RBFOX1: variants seen among roughly 807,000 people sequenced by gnomAD.
RBFOX1 encodes the protein RNA binding protein fox-1 homolog 1.
A neutral mutation model predicts 57.7 loss-of-function variants in RBFOX1; 8 were observed. The ratio of observed to expected loss-of-function variants is 0.14; its 90% CI spans 0.08 to 0.25. The LOEUF (loss-of-function observed/expected upper bound fraction) is 0.25, where lower values mean the gene tolerates loss of function less well. Ranked by LOEUF, RBFOX1 falls within the 10% of genes least tolerant of loss-of-function variation. The probability of loss-of-function intolerance (pLI) is 1.00; values close to 1 mark genes in which losing one functional copy is unlikely to be tolerated. For synonymous variants in RBFOX1, 326 were observed against 222.4 expected (o/e 1.47, Z -4.15); for missense variants, 611 against 548.5 (o/e 1.11, Z -1.14).
intron 1 of RBFOX1, among the ~76,000 whole-genome samples, chr16:6,274,450 A>T (rs1366008886): frequency 6.6e-6 from 1 of 152,196 alleles, no homozygotes; most frequent in Non-Finnish European, 1.5e-5. Context: ...CGCATGAAAA[A>T]TTCCAATTTA....
rs9921923 is a variant in RBFOX1, at chr16:7,548,638, G to A, written c.270+30249G>A. 4.5e-3 allele frequency among the ~76,000 whole-genome samples: 683 copies of A among 152,288 alleles called. 6 individuals are homozygous for A. The highest frequency in any genetic ancestry group is 0.016 in the African/African-American group (659 of 41,546). On this transcript the variant is annotated intron_variant, in intron 5 of 15. Transcript: ENST00000550418. ...CAGGATGCTCTGGGGCAGGAGCGGG[G>A]GGGCAGTCAAACAAGTCCAAAGCTT...
chr16:7,690,989 C>T (rs1005446648), intron 14 of RBFOX1, among the ~76,000 whole-genome samples: 1 of 152,060 alleles, frequency 6.6e-6, no homozygotes, highest in Non-Finnish European at 1.5e-5. Flanking sequence ...TTGATGAAAG[C>T]ATTGTTCAGG....
chr16:7,112,054 G>A (rs2064887503), intron 4 of RBFOX1, among the ~76,000 whole-genome samples: 1 of 152,188 alleles, frequency 6.6e-6, no homozygotes, highest in South Asian at 2.1e-4. Flanking sequence ...AGGTAAGTGT[G>A]TGTGTGAGAG....
At chr16:7,158,822 G>T (rs914073964) in intron 4 of RBFOX1, among the ~76,000 whole-genome samples, 1 of 151,056 alleles carries the variant, frequency 6.6e-6, no homozygotes, top group Non-Finnish European at 1.5e-5. Context: ...TGTCTCTAGT[G>T]TCAGCACTTG....
chr16:7,174,873 C>G (rs756601444), intron 4 of RBFOX1, among the ~76,000 whole-genome samples: 24 of 152,288 alleles, frequency 1.6e-4, no homozygotes, highest in Non-Finnish European at 2.4e-4. Flanking sequence ...ATACAAGCAT[C>G]CAGGTTGTGC....
chr16:7,191,596 A>G (rs1203117979), intron 4 of RBFOX1, among the ~76,000 whole-genome samples: 2 of 152,226 alleles, frequency 1.3e-5, no homozygotes. Context: ...CCTTAAACAC[A>G]TTTAAATTTA....
At chr16:6,394,175 C>G (rs1425046994) in intron 2 of RBFOX1, among the ~76,000 whole-genome samples, 1 of 152,128 alleles carries the variant, frequency 6.6e-6, no homozygotes, top group African/African-American at 2.4e-5. Flanking sequence ...ATCCTGAGTT[C>G]AAATCGGGCT....
At chr16:5,276,091 A>G (rs756619863) in intron 1 of RBFOX1, among the ~76,000 whole-genome samples, 1 of 152,242 alleles carries the variant, frequency 6.6e-6, no homozygotes, top group Non-Finnish European at 1.5e-5. Flanking sequence ...TCTTGAAGAT[A>G]ACATTGGAAA....
At chr16:6,422,123 A>G (rs1322353600) in intron 2 of RBFOX1, among the ~76,000 whole-genome samples, 2 of 151,084 alleles carry the variant, frequency 1.3e-5, no homozygotes, top group Non-Finnish European at 2.9e-5. Context: ...GAGTTTTCCC[A>G]TTTTGGCCTG....
intron 4 of RBFOX1, among the ~76,000 whole-genome samples, chr16:7,380,201 C>G (rs1481952443): frequency 6.6e-6 from 1 of 152,138 alleles, no homozygotes; most frequent in Non-Finnish European, 1.5e-5. Flanking sequence ...TGAACTATAT[C>G]ACATCATGAT....
At chr16:5,791,116 C>A (rs183301897) in intron 3 of RBFOX1, among the ~76,000 whole-genome samples, 4,049 of 152,114 alleles carry the variant, frequency 0.027, 178 homozygotes, top group African/African-American at 0.091. Context: ...GATCCGCCTG[C>A]GTTGGTCTCC....
At chr16:6,142,169 G>T (rs1478998372) in intron 1 of RBFOX1, among the ~76,000 whole-genome samples, 1 of 110,436 alleles carries the variant, frequency 9.1e-6, no homozygotes, top group African/African-American at 3.6e-5. Flanking sequence ...CCCCTTCAGA[G>T]ATCCTTGTTG....
chr16:6,210,358 CACCAA>C (rs1567684410), intron 1 of RBFOX1, among the ~76,000 whole-genome samples: 1 of 96,684 alleles, frequency 1.0e-5, no homozygotes, highest in Non-Finnish European at 2.0e-5. Context: ...AAAAAAAAAA[CACCAA>C]AAAAAAAAAA....
At chr16:5,283,303 AG>A (rs1271289550) in intron 1 of RBFOX1, among the ~76,000 whole-genome samples, 1 of 152,162 alleles carries the variant, frequency 6.6e-6, no homozygotes, top group African/African-American at 2.4e-5. Context: ...GTGGGGTCGG[AG>A]CCCCCACATA....
intron 3 of RBFOX1, among the ~76,000 whole-genome samples, chr16:6,690,584 T>A (rs1398169894): frequency 6.6e-6 from 1 of 151,946 alleles, no homozygotes; most frequent in Non-Finnish European, 1.5e-5. Context: ...CAGGATGATC[T>A]TATGTATCAT....
chr16:5,766,883 T>C (rs7194139), intron 3 of RBFOX1, among the ~76,000 whole-genome samples: 2 of 152,340 alleles, frequency 1.3e-5, no homozygotes, highest in Admixed American at 1.3e-4. Context: ...AGTCACTGTT[T>C]GCAAAGTCCT....
Position 6,449,759 on chromosome 16 carries a change from T to G in RBFOX1, c.-64+132702T>G, listed in dbSNP as rs117714734. ...CATACTGGAAAGAAGGGGTACCTGG[T>G]GGCCCATATTTTATTAGCAACGTAC... On this transcript the variant is annotated intron_variant, in intron 2 of 15. Transcript: ENST00000550418. Among the ~76,000 whole-genome samples, 1,212 of 152,316 alleles carry G rather than the reference T, an allele frequency of 8.0e-3. 7 individuals carry two copies. Among genetic ancestry groups the G allele is most frequent in the Non-Finnish European group, 0.013 (867 of 68,028 alleles).
At chr16:6,213,502 A>G (rs1227486079) in intron 1 of RBFOX1, among the ~76,000 whole-genome samples, 1 of 152,132 alleles carries the variant, frequency 6.6e-6, no homozygotes, top group East Asian at 1.9e-4. Flanking sequence ...GGCTGCCTTG[A>G]CACTCTAACA....
intron 4 of RBFOX1, among the ~76,000 whole-genome samples, chr16:6,013,463 C>G (rs2094973957): frequency 6.6e-6 from 1 of 152,048 alleles, no homozygotes. Flanking sequence ...TTAGGAATCT[C>G]CACCCTCATG....
Sources: gnomAD v4.1 joint callset for allele counts (sites outside exome capture counted in the v4.1 genomes callset) on GRCh38, gnomAD v4.1.1 for gene constraint, MANE v1.5 for transcripts, NCBI Gene and HGNC (gene_info 2026-07-23, HGNC 2026-07-21) for gene names.